Variants in ARHGAP26 observed in about 807,000 individuals in gnomAD.
ARHGAP26 encodes the protein rho GTPase-activating protein 26.
ARHGAP26 carries 38 observed loss-of-function variants against 104.8 expected under a neutral mutation model. The observed-to-expected ratio is 0.36, with a 90% CI of 0.28 to 0.48. The LOEUF (loss-of-function observed/expected upper bound fraction) is 0.48. Among genes scored for constraint, ARHGAP26 ranks in the 20% least tolerant of loss-of-function variants. ARHGAP26 has a pLI of 0.99. For synonymous variants in ARHGAP26, 341 were observed against 340.0 expected (o/e 1.00, Z -0.03); for missense variants, 704 against 947.9 (o/e 0.74, Z 3.38).
chr5:143,158,455 T>G (rs1167848000), intron 20 of ARHGAP26, among the ~76,000 whole-genome samples: 1 of 152,184 alleles, frequency 6.6e-6, no homozygotes, highest in African/African-American at 2.4e-5. Context: ...GGCTAGAAAC[T>G]AATTGCAATC....
chr5:142,940,294 T>C (rs1338759628), intron 11 of ARHGAP26, among the ~76,000 whole-genome samples: 1 of 152,210 alleles, frequency 6.6e-6, no homozygotes, highest in Non-Finnish European at 1.5e-5. Flanking sequence ...GCCTCAGTCC[T>C]TTCTGAGCTT....
At chr5:142,836,008 A>T (rs1427428547) in intron 1 of ARHGAP26, among the ~76,000 whole-genome samples, 1 of 152,182 alleles carries the variant, frequency 6.6e-6, no homozygotes, top group Non-Finnish European at 1.5e-5. Context: ...CAGGATTTAA[A>T]CCCAGGCCAG....
intron 11 of ARHGAP26, among the ~76,000 whole-genome samples, chr5:142,937,817 C>G (rs1476353065): frequency 3.3e-5 from 5 of 152,048 alleles, no homozygotes; most frequent in African/African-American, 4.8e-5. Flanking sequence ...AATTTTGTAA[C>G]ATTTTTGAAG....
intron 5 of ARHGAP26, among the ~76,000 whole-genome samples, chr5:142,892,710 C>T (rs1758831612): frequency 6.7e-6 from 1 of 149,738 alleles, no homozygotes; most frequent in Admixed American, 6.6e-5. Context: ...AATAATCATA[C>T]ATATTTATGG....
intron 17 of ARHGAP26, among the ~76,000 whole-genome samples, chr5:143,081,173 A>G (rs937862562): frequency 1.3e-5 from 2 of 152,110 alleles, no homozygotes; most frequent in Admixed American, 1.3e-4. Context: ...TCTTTCTTGT[A>G]TATCAACCAC....
rs116703718 is a variant in ARHGAP26, at chr5:143,224,810, G to A, written c.*2364G>A. The A allele has an allele frequency of 4.0e-3, 914 of 227,788 alleles. 3 individuals are homozygous for A. Among genetic ancestry groups the A allele is most frequent in the Non-Finnish European group, 6.3e-3 (724 of 114,626 alleles). 14.1% of individuals were successfully genotyped at this position (227,788 alleles called of 1,614,324 possible). On this transcript the variant is annotated 3_prime_UTR_variant, in exon 23 of 23. Coordinates refer to ENST00000645722, the MANE Select transcript of ARHGAP26 (RefSeq NM_001135608.3). ...CAAAAGAAGAGGAAGACTCCAGGAG[G>A]GGTATAGATTGTGCCGTCATAGCTT...
At chr5:143,116,606 C>T (rs1795476371) in intron 17 of ARHGAP26, among the ~76,000 whole-genome samples, 1 of 152,126 alleles carries the variant, frequency 6.6e-6, no homozygotes, top group Non-Finnish European at 1.5e-5. Flanking sequence ...CCTTACAAGC[C>T]CTACAAGGGT....
Position 143,223,213 on chromosome 5 carries a change from T to A in ARHGAP26, c.*767T>A. The A allele has an allele frequency of 4.3e-6, 1 of 233,130 alleles. No homozygotes were observed. Among genetic ancestry groups the A allele is most frequent in the Non-Finnish European group, 8.5e-6 (1 of 117,682 alleles). The allele number at this position is 233,130 out of a possible 1,614,324, so 14.4% of individuals were successfully genotyped here. The stretch of plus-strand genomic sequence containing the variant: ...AAAAAAATAAAATAACACATCCTCT[T>A]TGCATGACACATTTTTTTTCTCCCC... On this transcript the variant is annotated 3_prime_UTR_variant, in exon 23 of 23. Coordinates refer to ENST00000645722, the MANE Select transcript of ARHGAP26 (RefSeq NM_001135608.3).
intron 17 of ARHGAP26, among the ~76,000 whole-genome samples, chr5:143,106,105 C>T (rs1196766258): frequency 6.6e-6 from 1 of 152,188 alleles, no homozygotes; most frequent in African/African-American, 2.4e-5. Flanking sequence ...GTTTCCCACC[C>T]TTACTTAATG....
At chr5:142,818,419 G>A (rs765912157) in intron 1 of ARHGAP26, among the ~76,000 whole-genome samples, 7 of 152,154 alleles carry the variant, frequency 4.6e-5, no homozygotes, top group Non-Finnish European at 7.4e-5. Flanking sequence ...AGGGACTGAC[G>A]GCACAGGAGA....
intron 11 of ARHGAP26, among the ~76,000 whole-genome samples, chr5:142,966,130 A>C (rs1356227215): frequency 6.6e-6 from 1 of 152,182 alleles, no homozygotes; most frequent in East Asian, 1.9e-4. Context: ...AAATATTGAC[A>C]CACACACTTC....
At chr5:142,940,815 G>T (rs989567824) in intron 11 of ARHGAP26, among the ~76,000 whole-genome samples, 1 of 152,072 alleles carries the variant, frequency 6.6e-6, no homozygotes, top group African/African-American at 2.4e-5. Context: ...GGTGGCTCAT[G>T]CCTGTAATCC....
At chr5:142,881,405 C>G (rs774220467) in intron 4 of ARHGAP26, among the ~76,000 whole-genome samples, 2 of 152,154 alleles carry the variant, frequency 1.3e-5, no homozygotes, top group Non-Finnish European at 2.9e-5. Context: ...ATAGGAGGAG[C>G]TACTGTCCCC....
intron 11 of ARHGAP26, among the ~76,000 whole-genome samples, chr5:142,949,239 G>A (rs1767900455): frequency 1.6e-5 from 2 of 128,574 alleles, no homozygotes; most frequent in African/African-American, 3.0e-5. Context: ...AGAGGAGAGA[G>A]AGAGAGAGAG....
At chr5:143,222,300 G>A in intron 22 of ARHGAP26, 58 bp from the exon 23 acceptor site, 1 of 1,239,798 alleles carries the variant, frequency 8.1e-7, no homozygotes, top group South Asian at 1.6e-5. Flanking sequence ...ACACACATCT[G>A]CCGCCTGCTC....
At chr5:143,114,741 C>G (rs758084307) in intron 17 of ARHGAP26, among the ~76,000 whole-genome samples, 18 of 152,322 alleles carry the variant, frequency 1.2e-4, no homozygotes, top group Non-Finnish European at 1.9e-4. Context: ...GATCCAGCCC[C>G]TAGTCCTAAG....
At chr5:142,967,653 A>G (rs1018392949) in intron 11 of ARHGAP26, among the ~76,000 whole-genome samples, 1 of 152,178 alleles carries the variant, frequency 6.6e-6, no homozygotes, top group Non-Finnish European at 1.5e-5. Flanking sequence ...GTGCCAATCT[A>G]GGCACTTAGA....
intron 18 of ARHGAP26, among the ~76,000 whole-genome samples, chr5:143,129,330 T>C (rs1289203886): frequency 6.6e-6 from 1 of 152,206 alleles, no homozygotes; most frequent in African/African-American, 2.4e-5. Context: ...TTTTGAACAC[T>C]GAATGTCAAA....
chr5:143,114,656 T>C (rs978831616), intron 17 of ARHGAP26, among the ~76,000 whole-genome samples: 81 of 152,302 alleles, frequency 5.3e-4, no homozygotes, highest in African/African-American at 1.9e-3. Flanking sequence ...TTACCTATAA[T>C]ACTTTCAGAA....
Sources: allele counts gnomAD v4.1 joint callset (sites outside exome capture counted in the v4.1 genomes callset), GRCh38; gene constraint gnomAD v4.1.1; transcripts MANE v1.5; gene names NCBI Gene and HGNC (gene_info 2026-07-23, HGNC 2026-07-21).